Variants in IMMP2L observed in about 807,000 individuals in gnomAD.
IMMP2L encodes inner mitochondrial membrane peptidase subunit 2, also known as mitochondrial inner membrane protease subunit 2.
IMMP2L carries 18 observed loss-of-function variants against 19.3 expected under a neutral mutation model. The ratio of observed to expected loss-of-function variants is 0.93; its 90% CI spans 0.64 to 1.38. IMMP2L has a LOEUF of 1.38. Among genes scored for constraint, IMMP2L ranks in the 40% most tolerant of loss-of-function variants. The pLI, the probability that IMMP2L is intolerant of heterozygous loss-of-function variation, is 0.00. For synonymous variants in IMMP2L, 76 were observed against 73.0 expected (o/e 1.04, Z -0.21); for missense variants, 233 against 218.2 (o/e 1.07, Z -0.43).
chr7:111,517,799 C>T (rs1034493616), intron 2 of IMMP2L, among the ~76,000 whole-genome samples: 1 of 151,962 alleles, frequency 6.6e-6, no homozygotes, highest in African/African-American at 2.4e-5. Flanking sequence ...AAAAGAAGTA[C>T]ATCTACTTTC....
chr7:111,515,054 GGCTAATGGTT>G (rs983308735), intron 2 of IMMP2L, among the ~76,000 whole-genome samples: 1 of 151,892 alleles, frequency 6.6e-6, no homozygotes, highest in African/African-American at 2.4e-5. Context: ...AGTCTAGTTC[GGCTAATGGTT>G]GCTTCTGACT....
intron 5 of IMMP2L, among the ~76,000 whole-genome samples, chr7:110,840,183 T>A (rs958713612): frequency 6.6e-6 from 1 of 152,166 alleles, no homozygotes; most frequent in Non-Finnish European, 1.5e-5. Flanking sequence ...TAGGTCCTGG[T>A]AGTATCTCCC....
At chr7:110,973,920 G>C (rs867178833) in intron 3 of IMMP2L, among the ~76,000 whole-genome samples, 1 of 152,052 alleles carries the variant, frequency 6.6e-6, no homozygotes, top group African/African-American at 2.4e-5. Flanking sequence ...AAGAGTGGGA[G>C]ATTATTAAGT....
At chr7:110,846,330 T>A (rs1287485335) in intron 5 of IMMP2L, among the ~76,000 whole-genome samples, 1 of 150,554 alleles carries the variant, frequency 6.6e-6, no homozygotes, top group South Asian at 2.1e-4. Flanking sequence ...CTTCACAGCG[T>A]CTCTCCAACC....
intron 3 of IMMP2L, among the ~76,000 whole-genome samples, chr7:111,181,090 T>A (rs186184406): frequency 7.1e-4 from 108 of 152,130 alleles, no homozygotes; most frequent in Middle Eastern, 3.4e-3. Context: ...TATTTAAATA[T>A]AATTAGGAGT....
At chr7:110,927,563 T>C (rs867462995) in intron 4 of IMMP2L, among the ~76,000 whole-genome samples, 1 of 151,940 alleles carries the variant, frequency 6.6e-6, no homozygotes. Flanking sequence ...GTCAAGGAGA[T>C]GGAATGTCAC....
intron 3 of IMMP2L, among the ~76,000 whole-genome samples, chr7:111,048,612 A>C (rs534827097): frequency 6.6e-6 from 1 of 152,182 alleles, no homozygotes; most frequent in African/African-American, 2.4e-5. Flanking sequence ...TAGTCAATAA[A>C]TATTTGTTGA....
intron 3 of IMMP2L, among the ~76,000 whole-genome samples, chr7:111,155,762 C>T (rs1322392516): frequency 6.6e-6 from 1 of 151,808 alleles, no homozygotes; most frequent in Non-Finnish European, 1.5e-5. Context: ...TGTTGCATAA[C>T]ATAGATATTG....
intron 3 of IMMP2L, among the ~76,000 whole-genome samples, chr7:111,384,303 G>GA (rs1831517773): frequency 6.6e-6 from 1 of 150,660 alleles, no homozygotes; most frequent in African/African-American, 2.5e-5. Context: ...GGAGAAAGGA[G>GA]GAGGAGGGAA....
At chr7:111,475,678 AATT>A (rs1563239549) in intron 3 of IMMP2L, among the ~76,000 whole-genome samples, 3 of 152,056 alleles carry the variant, frequency 2.0e-5, no homozygotes, top group Non-Finnish European at 4.4e-5. Flanking sequence ...TCCCAGAATA[AATT>A]ACAAGGAACA....
chr7:111,222,338 C>G (rs1190249517), intron 3 of IMMP2L, among the ~76,000 whole-genome samples: 4 of 151,636 alleles, frequency 2.6e-5, no homozygotes, highest in African/African-American at 7.3e-5. Context: ...AACTCTGCCA[C>G]ATAGAAATTA....
chr7:111,024,480 T>C (rs1336298971), intron 3 of IMMP2L, among the ~76,000 whole-genome samples: 1 of 152,176 alleles, frequency 6.6e-6, no homozygotes, highest in South Asian at 2.1e-4. Flanking sequence ...TAGTCTTCTG[T>C]GCTCTGTCTG....
chr7:111,257,068 G>A (rs745587574), intron 3 of IMMP2L, among the ~76,000 whole-genome samples: 3 of 151,900 alleles, frequency 2.0e-5, no homozygotes, highest in Non-Finnish European at 4.4e-5. Context: ...CATTTATCAG[G>A]TTATGATCTT....
intron 5 of IMMP2L, among the ~76,000 whole-genome samples, chr7:110,765,773 C>T (rs1798618528): frequency 6.6e-6 from 1 of 152,136 alleles, no homozygotes; most frequent in Non-Finnish European, 1.5e-5. Context: ...TAACCTCAAA[C>T]ACTTAGCTTT....
chr7:110,744,063 C>T lies in IMMP2L; in HGVS notation c.409-80342G>A, dbSNP rs1048234318. On this transcript the variant is annotated intron_variant, in intron 5 of 5. Transcript: ENST00000405709. The stretch of plus-strand genomic sequence containing the variant: ...CTGAGTTCGACCTGGGACACCTGAG[C>T]TTGGTGGGTGGTGGGGACTCCACCA... Among the ~76,000 whole-genome samples the T allele has an allele frequency of 7.9e-5, 12 of 152,296 alleles. No homozygotes were observed. The East Asian group carries it at 2.1e-3, about 27-fold the overall frequency.
chr7:110,837,805 A>C (rs1020861359), intron 5 of IMMP2L, among the ~76,000 whole-genome samples: 1 of 152,160 alleles, frequency 6.6e-6, no homozygotes, highest in African/African-American at 2.4e-5. Context: ...CAGTGGAGAC[A>C]AACAGGTGCT....
intron 4 of IMMP2L, chr7:110,963,040 T>C: frequency 1.3e-6 from 2 of 1,526,798 alleles, no homozygotes; most frequent in Non-Finnish European, 1.8e-6. Flanking sequence ...TTCATTCTTG[T>C]CACTGATTCG....
chr7:110,967,924 T>C (rs1261510028), intron 3 of IMMP2L, among the ~76,000 whole-genome samples: 1 of 152,124 alleles, frequency 6.6e-6, no homozygotes, highest in Non-Finnish European at 1.5e-5. Context: ...TGCCAGAGTT[T>C]AGCATGGTTT....
chr7:111,188,627 T>C (rs1452978635), intron 3 of IMMP2L, among the ~76,000 whole-genome samples: 2 of 152,084 alleles, frequency 1.3e-5, no homozygotes, highest in Non-Finnish European at 2.9e-5. Context: ...CTCATCGTAG[T>C]TGGATCTGGC....
Sources: gnomAD v4.1 joint callset for allele counts (sites outside exome capture counted in the v4.1 genomes callset) on GRCh38, gnomAD v4.1.1 for gene constraint, MANE v1.5 for transcripts, NCBI Gene and HGNC (gene_info 2026-07-23, HGNC 2026-07-21) for gene names.